The following FOXP1 variants were observed in gnomAD, a reference collection of about 807,000 sequenced individuals.
FOXP1 encodes the protein forkhead box protein P1.
Under a neutral mutation model 98.2 loss-of-function variants are expected in FOXP1, and 15 were observed. That is an observed-to-expected ratio of 0.15 (90% CI 0.10 to 0.24). The LOEUF (loss-of-function observed/expected upper bound fraction) is 0.24. FOXP1 is among the 10% of genes least tolerant of loss of function. The pLI is 1.00. For missense variants in FOXP1, 633 were observed against 848.5 expected (o/e 0.75, Z 3.15); for synonymous variants, 371 against 314.5 (o/e 1.18, Z -1.90).
chr3:71,064,310 A>T (rs555215054), intron 7 of FOXP1, among the ~76,000 whole-genome samples: 2 of 152,224 alleles, frequency 1.3e-5, no homozygotes, highest in African/African-American at 4.8e-5. Flanking sequence ...GGTTACACTG[A>T]GATGGAAGGC....
At chr3:70,984,711 G>C (rs1320889380) in intron 14 of FOXP1, among the ~76,000 whole-genome samples, 1 of 152,234 alleles carries the variant, frequency 6.6e-6, no homozygotes. Context: ...TAGGTTTAAA[G>C]AGATGTGATA....
intron 5 of FOXP1, among the ~76,000 whole-genome samples, chr3:71,235,980 A>C (rs979262432): frequency 2.6e-5 from 4 of 152,232 alleles, no homozygotes; most frequent in Non-Finnish European, 5.9e-5. Flanking sequence ...TATTTACCTA[A>C]GACAAATGCC....
intron 7 of FOXP1, among the ~76,000 whole-genome samples, chr3:71,065,409 C>G (rs1406960440): frequency 6.6e-6 from 1 of 152,186 alleles, no homozygotes; most frequent in Non-Finnish European, 1.5e-5. Context: ...TGTTCGGCTT[C>G]GGGAGGGTAC....
intron 3 of FOXP1, among the ~76,000 whole-genome samples, chr3:71,369,361 G>A (rs1208192963): frequency 1.3e-5 from 2 of 152,080 alleles, no homozygotes; most frequent in African/African-American, 4.8e-5. Flanking sequence ...CTGCACTCCA[G>A]CCTGGGCAAC....
intron 4 of FOXP1, among the ~76,000 whole-genome samples, chr3:71,319,638 C>T (rs773993209): frequency 1.3e-5 from 2 of 152,126 alleles, no homozygotes; most frequent in Non-Finnish European, 2.9e-5. Flanking sequence ...AAACATCCTG[C>T]AGCCCACACC....
chr3:71,004,984 G>A (rs1009356082), intron 12 of FOXP1, among the ~76,000 whole-genome samples: 3 of 152,072 alleles, frequency 2.0e-5, no homozygotes, highest in Non-Finnish European at 4.4e-5. Context: ...TATGGAAAAT[G>A]TGGAGACATC....
chr3:71,277,659 T>G (rs1438041253), intron 5 of FOXP1, among the ~76,000 whole-genome samples: 1 of 152,122 alleles, frequency 6.6e-6, no homozygotes, highest in Non-Finnish European at 1.5e-5. Flanking sequence ...CACTCCCACC[T>G]GGAGGACTGG....
In FOXP1 at chr3:71,193,221, C is replaced by T. The variant is rs187544153; in HGVS notation, c.180+4981G>A. Among the ~76,000 whole-genome samples, 36 of 136,188 alleles carry T rather than the reference C, an allele frequency of 2.6e-4. 3 individuals carry two copies. In the East Asian group the frequency reaches 7.9e-3, roughly 30 times the overall value. 89.3% of individuals were successfully genotyped at this position (136,188 alleles called of 152,430 possible). A position where few individuals can be genotyped will look rare whatever the true frequency, so the allele number is the denominator to read the frequency against. On this transcript the variant is annotated intron_variant, in intron 6 of 20. Transcript: ENST00000649528. Reference sequence around the variant, plus strand: ...GGAGTGCAGTGGTGGGATCTCGGCTCACTGCAAGCTCCGCCTCCCAGGTTC... The same window carrying T: ...GGAGTGCAGTGGTGGGATCTCGGCTTACTGCAAGCTCCGCCTCCCAGGTTC...
chr3:71,293,589 T>C (rs940744077), intron 5 of FOXP1, among the ~76,000 whole-genome samples: 2 of 152,212 alleles, frequency 1.3e-5, no homozygotes, highest in Admixed American at 1.3e-4. Flanking sequence ...TTGTCTTTAC[T>C]ACTAAATATG....
chr3:71,168,637 A>T (rs1286290505), intron 6 of FOXP1, among the ~76,000 whole-genome samples: 1 of 152,254 alleles, frequency 6.6e-6, no homozygotes, highest in Non-Finnish European at 1.5e-5. Context: ...AGAAGCTGGG[A>T]AAAGAACCAG....
chr3:71,346,928 G>A (rs752128803), intron 4 of FOXP1, among the ~76,000 whole-genome samples: 13 of 152,084 alleles, frequency 8.5e-5, no homozygotes, highest in Non-Finnish European at 1.5e-4. Context: ...CTGCCTCAGG[G>A]AGGCTGAGGC....
At chr3:71,532,642 T>C (rs1288565160) in intron 2 of FOXP1, among the ~76,000 whole-genome samples, 1 of 152,204 alleles carries the variant, frequency 6.6e-6, no homozygotes, top group African/African-American at 2.4e-5. Context: ...TCCCAATCCA[T>C]GCCCAACTGT....
At chr3:71,566,007 T>C (rs921627699) in intron 2 of FOXP1, among the ~76,000 whole-genome samples, 2 of 152,176 alleles carry the variant, frequency 1.3e-5, no homozygotes, top group African/African-American at 2.4e-5. Context: ...ACTTCCACAA[T>C]GGCCAAGGAA....
chr3:71,378,244 T>G (rs1446000681), intron 3 of FOXP1, among the ~76,000 whole-genome samples: 3 of 152,000 alleles, frequency 2.0e-5, no homozygotes, highest in African/African-American at 4.8e-5. Flanking sequence ...CTAGTATCAG[T>G]AACTAACAGA....
At chr3:71,336,532 G>A (rs1186399331) in intron 4 of FOXP1, among the ~76,000 whole-genome samples, 2 of 152,166 alleles carry the variant, frequency 1.3e-5, no homozygotes, top group Non-Finnish European at 2.9e-5. Context: ...AAAGGAGAGC[G>A]AGTCAACTCA....
intron 2 of FOXP1, chr3:71,580,787 C>T (rs2048103086): frequency 2.0e-6 from 2 of 985,296 alleles, no homozygotes; most frequent in African/African-American, 3.5e-5. Context: ...CAGCTATTGT[C>T]CAAGCCCTAA....
At chr3:71,581,508 C>T (rs914192891) in intron 2 of FOXP1, 41 bp downstream of exon 2, 3 of 985,342 alleles carry the variant, frequency 3.0e-6, no homozygotes, top group East Asian at 2.3e-4. Flanking sequence ...TGGGGCTCTC[C>T]GGTGTCCCTG....
At chr3:71,409,327 G>T (rs190123826) in intron 3 of FOXP1, among the ~76,000 whole-genome samples, 1 of 152,170 alleles carries the variant, frequency 6.6e-6, no homozygotes, top group Admixed American at 6.5e-5. Flanking sequence ...AGTGCCATGA[G>T]ATCAGGGAGT....
At chr3:71,263,617 C>T (rs2069366252) in intron 5 of FOXP1, among the ~76,000 whole-genome samples, 1 of 152,204 alleles carries the variant, frequency 6.6e-6, no homozygotes, top group South Asian at 2.1e-4. Context: ...GCTGCTCCAC[C>T]TACTCAAGTT....
Sources: gnomAD v4.1 joint callset for allele counts (sites outside exome capture counted in the v4.1 genomes callset) on GRCh38, gnomAD v4.1.1 for gene constraint, MANE v1.5 for transcripts, NCBI Gene and HGNC (gene_info 2026-07-23, HGNC 2026-07-21) for gene names.